NKAIN2: variants seen among roughly 807,000 people sequenced by gnomAD.
NKAIN2 encodes sodium/potassium-transporting ATPase subunit beta-1-interacting protein 2.
NKAIN2 carries 14 observed loss-of-function variants against 32.6 expected under a neutral mutation model. That is an observed-to-expected ratio of 0.43 (90% CI 0.28 to 0.67). The LOEUF (loss-of-function observed/expected upper bound fraction) is 0.67. Ranked by LOEUF, NKAIN2 falls within the 30% of genes least tolerant of loss-of-function variation. The pLI is 0.17. For missense variants in NKAIN2, 198 were observed against 258.3 expected, an observed-to-expected ratio of 0.77 and a Z score of 1.60; for synonymous variants, 80 against 87.2, an observed-to-expected ratio of 0.92 and a Z score of 0.46.
chr6:124,613,456 T>C (rs1782768595), intron 3 of NKAIN2, among the ~76,000 whole-genome samples: 1 of 152,192 alleles, frequency 6.6e-6, no homozygotes. Flanking sequence ...GGTTTCTGAT[T>C]ATGATTTGGC....
At chr6:124,562,896 T>C (rs1003666458) in intron 3 of NKAIN2, among the ~76,000 whole-genome samples, 2 of 151,220 alleles carry the variant, frequency 1.3e-5, no homozygotes, top group African/African-American at 4.9e-5. Context: ...TGTTAGTATT[T>C]TTTGTTTCTT....
chr6:124,675,705 C>T (rs1195609633), intron 4 of NKAIN2, among the ~76,000 whole-genome samples: 1 of 151,714 alleles, frequency 6.6e-6, no homozygotes, highest in Non-Finnish European at 1.5e-5. Flanking sequence ...TCTCCATTTT[C>T]GTTTCTGATT....
intron 3 of NKAIN2, among the ~76,000 whole-genome samples, chr6:124,469,739 C>A: frequency 6.6e-6 from 1 of 152,220 alleles, no homozygotes; most frequent in Admixed American, 6.5e-5. Flanking sequence ...GACAGTTTTT[C>A]ACAGTAAAAA....
intron 1 of NKAIN2, among the ~76,000 whole-genome samples, chr6:124,145,665 C>T (rs1053465124): frequency 6.6e-6 from 1 of 151,968 alleles, no homozygotes; most frequent in Admixed American, 6.6e-5. Context: ...GCCACCATGC[C>T]CAGCTAATTT....
chr6:124,769,680 G>A (rs935895883), intron 4 of NKAIN2, among the ~76,000 whole-genome samples: 4 of 152,138 alleles, frequency 2.6e-5, no homozygotes, highest in African/African-American at 9.7e-5. Context: ...TGTTCTAGTA[G>A]AGGCACATCA....
intron 1 of NKAIN2, among the ~76,000 whole-genome samples, chr6:124,215,055 G>A (rs1322077274): frequency 1.3e-5 from 2 of 151,788 alleles, no homozygotes; most frequent in African/African-American, 2.4e-5. Context: ...CAGAACTGAG[G>A]AAAAAGATCT....
At chr6:124,818,679 ATATT>A (rs1340653945) in intron 6 of NKAIN2, among the ~76,000 whole-genome samples, 1 of 152,086 alleles carries the variant, frequency 6.6e-6, no homozygotes, top group Non-Finnish European at 1.5e-5. Context: ...TTCTAAAGTT[ATATT>A]TAGTCTTACA....
At chr6:124,453,758 A>G (rs1194672680) in intron 3 of NKAIN2, among the ~76,000 whole-genome samples, 1 of 152,114 alleles carries the variant, frequency 6.6e-6, no homozygotes, top group Non-Finnish European at 1.5e-5. Flanking sequence ...AATGAAACAA[A>G]TTAGTAGATG....
chr6:124,282,617 A>G (rs5001705), intron 1 of NKAIN2, among the ~76,000 whole-genome samples: 3,461 of 152,306 alleles, frequency 0.023, 62 homozygotes, highest in East Asian at 0.087. Flanking sequence ...TCTATTCTCA[A>G]CTTATATAAT....
At chr6:124,086,137 AATTC>A (rs1784179793) in intron 1 of NKAIN2, among the ~76,000 whole-genome samples, 1 of 151,974 alleles carries the variant, frequency 6.6e-6, no homozygotes, top group South Asian at 2.1e-4. Context: ...TAGTTTCAAT[AATTC>A]ATTATCATAG....
At chr6:124,366,010 AAG>A (rs1799501240) in intron 3 of NKAIN2, among the ~76,000 whole-genome samples, 1 of 152,074 alleles carries the variant, frequency 6.6e-6, no homozygotes, top group Non-Finnish European at 1.5e-5. Context: ...AATGACCTTA[AAG>A]AGAGATATTA....
chr6:124,326,255 T>G (rs528633708), intron 2 of NKAIN2, among the ~76,000 whole-genome samples: 1 of 152,028 alleles, frequency 6.6e-6, no homozygotes, highest in East Asian at 1.9e-4. Context: ...ATGCACTTTT[T>G]ACTTTTGTGG....
intron 3 of NKAIN2, among the ~76,000 whole-genome samples, chr6:124,607,106 G>A (rs1782531297): frequency 6.6e-6 from 1 of 151,996 alleles, no homozygotes; most frequent in African/African-American, 2.4e-5. Context: ...AAATAAACTT[G>A]GAATGCTATA....
At chr6:124,494,836 T>A (rs1778003168) in intron 3 of NKAIN2, among the ~76,000 whole-genome samples, 1 of 152,018 alleles carries the variant, frequency 6.6e-6, no homozygotes, top group Non-Finnish European at 1.5e-5. Flanking sequence ...TATTTAAACT[T>A]CAGAAAAAAC....
At chr6:124,581,167 C>T (rs1012551402) in intron 3 of NKAIN2, among the ~76,000 whole-genome samples, 12 of 152,106 alleles carry the variant, frequency 7.9e-5, no homozygotes, top group Admixed American at 1.3e-4. Context: ...GGGCCGGGCG[C>T]GGTGGCTCAC....
chr6:124,507,068 G>C (rs1778514463), intron 3 of NKAIN2, among the ~76,000 whole-genome samples: 1 of 152,168 alleles, frequency 6.6e-6, no homozygotes, highest in South Asian at 2.1e-4. Flanking sequence ...CTCAAGTTAA[G>C]AGTTCCAAAT....
chr6:124,191,293 T>C (rs966346833), intron 1 of NKAIN2, among the ~76,000 whole-genome samples: 2 of 152,200 alleles, frequency 1.3e-5, no homozygotes, highest in African/African-American at 4.8e-5. Context: ...CTATCAGTAA[T>C]GTTTTGTAGT....
At chr6:124,761,951 C>T (rs1397312303) in intron 4 of NKAIN2, among the ~76,000 whole-genome samples, 1 of 152,100 alleles carries the variant, frequency 6.6e-6, no homozygotes, top group Non-Finnish European at 1.5e-5. Flanking sequence ...CCTTTATCTC[C>T]TTATCCCTCT....
At chr6:124,460,673 T>G (rs527696380) in intron 3 of NKAIN2, among the ~76,000 whole-genome samples, 1 of 151,864 alleles carries the variant, frequency 6.6e-6, no homozygotes, top group South Asian at 2.1e-4. Flanking sequence ...TCTTTTATGT[T>G]CTAAAATTTC....
Sources: allele counts gnomAD v4.1 joint callset (sites outside exome capture counted in the v4.1 genomes callset), GRCh38; gene constraint gnomAD v4.1.1; transcripts MANE v1.5; gene names NCBI Gene and HGNC (gene_info 2026-07-23, HGNC 2026-07-21).